EML4: variants seen among roughly 807,000 people sequenced by gnomAD.
EML4 encodes EMAP like 4, also known as echinoderm microtubule-associated protein-like 4.
A neutral mutation model predicts 129.0 loss-of-function variants in EML4; 72 were observed. The ratio of observed to expected loss-of-function variants is 0.56; its 90% CI spans 0.46 to 0.68. The LOEUF (loss-of-function observed/expected upper bound fraction) is 0.68. Among genes scored for constraint, EML4 ranks in the 30% least tolerant of loss-of-function variants. The pLI, the probability that EML4 is intolerant of heterozygous loss-of-function variation, is 0.00. For synonymous variants in EML4, 532 were observed against 405.0 expected (o/e 1.31, Z -3.77); for missense variants, 1,363 against 1,190.6 (o/e 1.14, Z -2.13).
intron 1 of EML4, among the ~76,000 whole-genome samples, chr2:42,231,585 G>T (rs2104200716): frequency 6.6e-6 from 1 of 152,180 alleles, no homozygotes; most frequent in South Asian, 2.1e-4. Context: ...GGATCTTCCT[G>T]TACTTTTTAT....
chr2:42,312,856 C>G (rs776792913), intron 17 of EML4, among the ~76,000 whole-genome samples: 4 of 150,950 alleles, frequency 2.6e-5, no homozygotes, highest in Admixed American at 6.6e-5. Flanking sequence ...CCTGGCCTGC[C>G]TGTCAGAAAA....
At chr2:42,301,140 C>A (rs1668263481) in intron 13 of EML4, 101 bp from the exon 14 acceptor site, 9 of 1,005,478 alleles carry the variant, frequency 9.0e-6, no homozygotes, top group Non-Finnish European at 1.3e-5. Flanking sequence ...TATGAACTTT[C>A]TGATTATTAA....
chr2:42,217,957 T>G (rs1673304517), intron 1 of EML4, among the ~76,000 whole-genome samples: 1 of 152,182 alleles, frequency 6.6e-6, no homozygotes, highest in South Asian at 2.1e-4. Flanking sequence ...TTTATGGGTC[T>G]CAGTCAGATA....
chr2:42,326,565 A>G (rs898322067), intron 21 of EML4, among the ~76,000 whole-genome samples: 12 of 152,220 alleles, frequency 7.9e-5, no homozygotes, highest in Non-Finnish European at 1.8e-4. Context: ...AGCTTGAGAT[A>G]CATGCCATAC....
chr2:42,313,465 CTT>C (rs1040748929), intron 17 of EML4, among the ~76,000 whole-genome samples: 40 of 152,092 alleles, frequency 2.6e-4, no homozygotes, highest in Admixed American at 2.0e-3. Context: ...AAATTGGTAT[CTT>C]TGAGTCTTCA....
In EML4 at chr2:42,245,094, C is replaced by CTTTTTTTTTTTTTTTTTTTTTTTTT; in HGVS notation, c.26-393_26-392insTTTTTTTTTTTTTTTTTTTTTTTTT. On this transcript the variant is annotated intron_variant, in intron 1 of 22. Transcript: ENST00000318522. ...AGTTTTTTGTTTTGAAATTTTCTTT[C>CTTTTTTTTTTTTTTTTTTTTTTTTT]TTTTTTTTTTTTTTTTTTGAGACAG... 3.1e-3 allele frequency among the ~76,000 whole-genome samples: 203 copies of CTTTTTTTTTTTTTTTTTTTTTTTTT among 66,550 alleles called. 40 individuals carry two copies. The highest frequency in any genetic ancestry group is 3.9e-3 in the African/African-American group (60 of 15,494). 43.7% of individuals were successfully genotyped at this position (66,550 alleles called of 152,430 possible).
At chr2:42,189,892 G>T (rs1671485747) in intron 1 of EML4, among the ~76,000 whole-genome samples, 1 of 151,776 alleles carries the variant, frequency 6.6e-6, no homozygotes, top group Admixed American at 6.6e-5. Context: ...GCTATATGAA[G>T]ACAGCTAATC....
chr2:42,312,767 G>A (rs554495103), intron 17 of EML4, among the ~76,000 whole-genome samples: 42 of 149,104 alleles, frequency 2.8e-4, no homozygotes, highest in Non-Finnish European at 5.5e-4. Context: ...GTTAGCCAGG[G>A]TGGGCTCGAT....
intron 1 of EML4, among the ~76,000 whole-genome samples, chr2:42,232,689 G>C (rs2104209363): frequency 6.6e-6 from 1 of 152,208 alleles, no homozygotes; most frequent in Non-Finnish European, 1.5e-5. Flanking sequence ...TCTTTTGATG[G>C]CTTCTACTTT....
intron 14 of EML4, among the ~76,000 whole-genome samples, chr2:42,302,136 C>A (rs1668318520): frequency 6.6e-6 from 1 of 152,002 alleles, no homozygotes; most frequent in Non-Finnish European, 1.5e-5. Context: ...AAATTGCTCT[C>A]CCAAGGAATC....
chr2:42,250,610 G>A (rs527321267), intron 2 of EML4, among the ~76,000 whole-genome samples: 1 of 152,096 alleles, frequency 6.6e-6, no homozygotes, highest in South Asian at 2.1e-4. Flanking sequence ...GCATTATAGG[G>A]TGTACTTGCA....
intron 1 of EML4, among the ~76,000 whole-genome samples, chr2:42,180,606 A>G (rs1480695346): frequency 6.6e-6 from 1 of 152,170 alleles, no homozygotes; most frequent in Non-Finnish European, 1.5e-5. Context: ...TGTCTTCTTT[A>G]CACTATAACA....
In EML4 at chr2:42,169,648, TG is replaced by T; in HGVS notation, c.25+16del. 1.2e-6 allele frequency: 2 copies of T among 1,601,248 alleles called. No individual in the cohort carries two copies. Among genetic ancestry groups the T allele is most frequent in the Admixed American group, 1.7e-5 (1 of 58,722 alleles). On this transcript the variant is annotated intron_variant, in intron 1 of 22. Coordinates refer to ENST00000318522, the MANE Select transcript of EML4 (RefSeq NM_019063.5). The stretch of plus-strand genomic sequence containing the variant: ...CGCCGGCAGTCTCGGTGAGTACGGC[TG>T]GGGAGTCCTGCGTCTTCTGCGAAGG...
intron 1 of EML4, among the ~76,000 whole-genome samples, chr2:42,179,686 T>C (rs1389465394): frequency 6.6e-6 from 1 of 152,182 alleles, no homozygotes; most frequent in Admixed American, 6.5e-5. Context: ...CACTGCACCC[T>C]CTGCCTCCCG....
chr2:42,241,628 C>T (rs1023103257), intron 1 of EML4, among the ~76,000 whole-genome samples: 2 of 152,124 alleles, frequency 1.3e-5, no homozygotes, highest in Non-Finnish European at 2.9e-5. Context: ...AAACAAAAAA[C>T]GGATTAAATC....
chr2:42,241,259 CT>C (rs948852956), intron 1 of EML4, among the ~76,000 whole-genome samples: 3 of 152,168 alleles, frequency 2.0e-5, no homozygotes, highest in African/African-American at 7.2e-5. Flanking sequence ...ATTCATGCCC[CT>C]GAAAGGGTTA....
intron 13 of EML4, among the ~76,000 whole-genome samples, 179 bp from the exon 14 acceptor site, chr2:42,301,062 T>G (rs1476368133): frequency 6.6e-6 from 1 of 152,224 alleles, no homozygotes; most frequent in Non-Finnish European, 1.5e-5. Context: ...AAAGATTGTA[T>G]TATACCCTAA....
At chr2:42,237,889 A>G (rs1424467406) in intron 1 of EML4, among the ~76,000 whole-genome samples, 1 of 152,184 alleles carries the variant, frequency 6.6e-6, no homozygotes, top group Non-Finnish European at 1.5e-5. Context: ...TTTTCCTGTT[A>G]AGTACTTAAG....
intron 3 of EML4, among the ~76,000 whole-genome samples, chr2:42,257,845 A>C (rs1665438888): frequency 6.6e-6 from 1 of 152,034 alleles, no homozygotes; most frequent in Non-Finnish European, 1.5e-5. Flanking sequence ...TCAAAAAAAA[A>C]AAAAAAAAAT....
Sources: gnomAD v4.1 joint callset for allele counts (sites outside exome capture counted in the v4.1 genomes callset) on GRCh38, gnomAD v4.1.1 for gene constraint, MANE v1.5 for transcripts, NCBI Gene and HGNC (gene_info 2026-07-23, HGNC 2026-07-21) for gene names.